WWOX: variants seen among roughly 807,000 people sequenced by gnomAD.
The protein encoded by WWOX is WW domain-containing oxidoreductase.
Under a neutral mutation model 46.2 loss-of-function variants are expected in WWOX, and 69 were observed. The ratio of observed to expected loss-of-function variants is 1.49; its 90% CI spans 1.23 to 1.82. The LOEUF is 1.82. Among genes scored for constraint, WWOX ranks in the 40% most tolerant of loss-of-function variants. The probability of loss-of-function intolerance (pLI) is 0.00; values close to 1 mark genes in which losing one functional copy is unlikely to be tolerated. For synonymous variants in WWOX, 359 were observed against 202.6 expected, an observed-to-expected ratio of 1.77 and a Z score of -6.56; for missense variants, 919 against 542.6, an observed-to-expected ratio of 1.69 and a Z score of -6.89.
intron 8 of WWOX, among the ~76,000 whole-genome samples, chr16:78,625,418 C>G (rs1225815876): frequency 1.3e-5 from 2 of 152,220 alleles, no homozygotes; most frequent in African/African-American, 2.4e-5. Flanking sequence ...ATGCCATATG[C>G]TTTTCTATAT....
chr16:78,998,396 C>T (rs2047031205), intron 8 of WWOX, among the ~76,000 whole-genome samples: 1 of 152,140 alleles, frequency 6.6e-6, no homozygotes, highest in Non-Finnish European at 1.5e-5. Context: ...GAGCCTACTG[C>T]CTTCACAGAA....
intron 8 of WWOX, among the ~76,000 whole-genome samples, chr16:78,602,395 G>T (rs948143822): frequency 6.6e-6 from 1 of 152,086 alleles, no homozygotes; most frequent in African/African-American, 2.4e-5. Context: ...ACCACTCCTG[G>T]CTAATTTTTT....
intron 8 of WWOX, among the ~76,000 whole-genome samples, chr16:78,869,467 C>T (rs1161023315): frequency 2.0e-5 from 3 of 152,234 alleles, no homozygotes; most frequent in Non-Finnish European, 4.4e-5. Flanking sequence ...GAAGTGCACA[C>T]AGCCCTCCCT....
chr16:79,197,351 A>T (rs931988861), intron 8 of WWOX, among the ~76,000 whole-genome samples: 7 of 152,182 alleles, frequency 4.6e-5, no homozygotes, highest in Non-Finnish European at 7.3e-5. Flanking sequence ...AGCAGCTTCC[A>T]AGAGCTGAGT....
intron 8 of WWOX, among the ~76,000 whole-genome samples, chr16:79,085,038 G>A (rs983185165): frequency 2.6e-5 from 4 of 151,788 alleles, no homozygotes; most frequent in East Asian, 1.9e-4. Context: ...CAATCCTCCC[G>A]CCTCAGCCTC....
At chr16:79,003,361 C>T (rs886421063) in intron 8 of WWOX, among the ~76,000 whole-genome samples, 1 of 152,184 alleles carries the variant, frequency 6.6e-6, no homozygotes, top group African/African-American at 2.4e-5. Flanking sequence ...ATACCGGGAA[C>T]AGAACATATA....
intron 8 of WWOX, among the ~76,000 whole-genome samples, chr16:79,182,268 A>G (rs915127238): frequency 2.0e-5 from 3 of 152,218 alleles, no homozygotes; most frequent in Non-Finnish European, 2.9e-5. Flanking sequence ...ACTGTAGGGT[A>G]TCCAGGATTC....
chr16:79,043,613 C>T (rs2048012349), intron 8 of WWOX, among the ~76,000 whole-genome samples: 1 of 152,194 alleles, frequency 6.6e-6, no homozygotes, highest in Non-Finnish European at 1.5e-5. Context: ...TTGCTAATAA[C>T]ACACAAACCC....
At chr16:78,235,363 G>C (rs1445833985) in intron 5 of WWOX, among the ~76,000 whole-genome samples, 2 of 152,110 alleles carry the variant, frequency 1.3e-5, no homozygotes, top group Non-Finnish European at 2.9e-5. Flanking sequence ...AAACAAGCCT[G>C]CCAGGCCGGC....
intron 8 of WWOX, among the ~76,000 whole-genome samples, chr16:79,155,044 G>C (rs1333878731): frequency 1.3e-5 from 2 of 152,216 alleles, no homozygotes; most frequent in Non-Finnish European, 2.9e-5. Flanking sequence ...TAGGGTTCTA[G>C]ATTCTTCTAG....
intron 8 of WWOX, among the ~76,000 whole-genome samples, chr16:78,783,292 G>A (rs2050375315): frequency 6.6e-6 from 1 of 152,242 alleles, no homozygotes; most frequent in South Asian, 2.1e-4. Context: ...CAGTGTGTGT[G>A]GCACTGTGCA....
At chr16:78,129,311 A>G (rs953786969) in intron 4 of WWOX, among the ~76,000 whole-genome samples, 1 of 152,132 alleles carries the variant, frequency 6.6e-6, no homozygotes, top group African/African-American at 2.4e-5. Context: ...TATGTTCCTT[A>G]CATGTTTACT....
chr16:78,689,173 A>C (rs1043717250), intron 8 of WWOX, among the ~76,000 whole-genome samples: 4 of 152,102 alleles, frequency 2.6e-5, no homozygotes, highest in Non-Finnish European at 5.9e-5. Flanking sequence ...CTTCCACCCC[A>C]CCAACAAAGA....
chr16:79,064,320 A>C (rs2048405148), intron 8 of WWOX, among the ~76,000 whole-genome samples: 1 of 152,266 alleles, frequency 6.6e-6, no homozygotes, highest in Non-Finnish European at 1.5e-5. Flanking sequence ...TTTAGGGCAT[A>C]GCTTGTGGAA....
intron 8 of WWOX, among the ~76,000 whole-genome samples, chr16:78,948,419 C>G (rs911962706): frequency 6.6e-6 from 1 of 152,190 alleles, no homozygotes; most frequent in Admixed American, 6.5e-5. Flanking sequence ...GGTGGCTAGA[C>G]TGAAAAATCC....
rs937089408 is a variant in WWOX at position 78,340,389 on chromosome 16, G to A, written c.517-46471G>A. On this transcript the variant is annotated intron_variant, in intron 5 of 8. Transcript: ENST00000566780. ...TTTATTTTTATTTTTTGTATTTTTA[G>A]TAGAGATGAAGTGTTTACCCTGTTG... 1.1e-4 allele frequency among the ~76,000 whole-genome samples: 13 copies of A among 119,130 alleles called. 3 individuals carry two copies. Among genetic ancestry groups the A allele is most frequent in the Admixed American group, 5.7e-4 (7 of 12,182 alleles). 78.2% of individuals were successfully genotyped at this position (119,130 alleles called of 152,430 possible).
intron 8 of WWOX, among the ~76,000 whole-genome samples, chr16:78,650,770 C>A (rs573064801): frequency 6.6e-6 from 1 of 152,120 alleles, no homozygotes; most frequent in Non-Finnish European, 1.5e-5. Flanking sequence ...CATGCCATGT[C>A]TCCCCCTGTC....
intron 8 of WWOX, among the ~76,000 whole-genome samples, chr16:79,180,867 C>T (rs911773798): frequency 6.6e-6 from 1 of 152,182 alleles, no homozygotes; most frequent in African/African-American, 2.4e-5. Context: ...AAAATTGCTA[C>T]TGTTTCTAAT....
At chr16:78,753,583 T>C (rs1597551111) in intron 8 of WWOX, among the ~76,000 whole-genome samples, 1 of 151,728 alleles carries the variant, frequency 6.6e-6, no homozygotes. Flanking sequence ...GTAGTTTGCT[T>C]GAGCCCAGGA....
Sources: gnomAD v4.1 joint callset for allele counts (sites outside exome capture counted in the v4.1 genomes callset) on GRCh38, gnomAD v4.1.1 for gene constraint, MANE v1.5 for transcripts, NCBI Gene and HGNC (gene_info 2026-07-23, HGNC 2026-07-21) for gene names.